The following PHYHIPL variants were observed in gnomAD, a reference collection of about 807,000 sequenced individuals.
The protein encoded by PHYHIPL is phytanoyl-CoA 2-hydroxylase interacting protein like.
A neutral mutation model predicts 33.4 loss-of-function variants in PHYHIPL; 9 were observed. The ratio of observed to expected loss-of-function variants is 0.27; its 90% CI spans 0.16 to 0.47. The LOEUF (loss-of-function observed/expected upper bound fraction) is 0.47, where lower values mean the gene tolerates loss of function less well. Ranked by LOEUF, PHYHIPL falls within the 20% of genes least tolerant of loss-of-function variation. PHYHIPL has a pLI of 0.99. For synonymous variants in PHYHIPL, 153 were observed against 154.1 expected, an observed-to-expected ratio of 0.99 and a Z score of 0.05; for missense variants, 365 against 460.7, an observed-to-expected ratio of 0.79 and a Z score of 1.90.
intron 1 of PHYHIPL, among the ~76,000 whole-genome samples, chr10:59,224,497 A>AAACAAAAAAC (rs370140471): frequency 9.9e-5 from 7 of 70,408 alleles, no homozygotes; most frequent in African/African-American, 2.5e-4. Context: ...AAACAAAACA[A>AAACAAAAAAC]AAAACAAAAC....
intron 1 of PHYHIPL, among the ~76,000 whole-genome samples, chr10:59,220,551 G>A (rs1337587628): frequency 2.6e-5 from 4 of 152,014 alleles, no homozygotes; most frequent in Non-Finnish European, 5.9e-5. Flanking sequence ...TAAGAAAATT[G>A]CACTTGAGAA....
chr10:59,180,359 T>TATATATATAC (rs1564698961), intron 1 of PHYHIPL, among the ~76,000 whole-genome samples: 25 of 112,554 alleles, frequency 2.2e-4, no homozygotes, highest in African/African-American at 7.3e-4. Context: ...TATATATATA[T>TATATATATAC]ATACTTTTTC....
intron 1 of PHYHIPL, among the ~76,000 whole-genome samples, chr10:59,193,033 T>C (rs1438054063): frequency 1.3e-5 from 2 of 152,150 alleles, no homozygotes; most frequent in East Asian, 3.8e-4. Context: ...TTTCTCTTGT[T>C]ATATTTCTTC....
intron 1 of PHYHIPL, among the ~76,000 whole-genome samples, chr10:59,200,714 AT>A (rs1464936938): frequency 6.6e-6 from 1 of 151,970 alleles, no homozygotes; most frequent in Non-Finnish European, 1.5e-5. Flanking sequence ...GTAAGCTATT[AT>A]TTACTGCCTC....
intron 4 of PHYHIPL, among the ~76,000 whole-genome samples, chr10:59,244,299 G>T (rs1840543368): frequency 6.6e-6 from 1 of 152,086 alleles, no homozygotes; most frequent in South Asian, 2.1e-4. Flanking sequence ...GAGCGTGGTG[G>T]CTCATGCCTG....
chr10:59,207,893 A>G (rs1381288990), intron 1 of PHYHIPL, among the ~76,000 whole-genome samples: 2 of 150,574 alleles, frequency 1.3e-5, no homozygotes, highest in Non-Finnish European at 3.0e-5. Context: ...TCTGTCTCAA[A>G]AAAAAAAAAA....
At chr10:59,236,787 C>A in intron 3 of PHYHIPL, 130 bp downstream of exon 3, 1 of 692,952 alleles carries the variant, frequency 1.4e-6, no homozygotes, top group South Asian at 3.1e-5. Context: ...TTGTCAGTAG[C>A]ATTGTGTAAC....
intron 1 of PHYHIPL, among the ~76,000 whole-genome samples, chr10:59,186,573 C>T (rs530043886): frequency 4.7e-4 from 72 of 151,828 alleles, no homozygotes; most frequent in Admixed American, 2.4e-3. Context: ...GCCATTTTCA[C>T]GATATTGATT....
At chr10:59,217,893 G>A (rs569860942) in intron 1 of PHYHIPL, among the ~76,000 whole-genome samples, 1 of 152,118 alleles carries the variant, frequency 6.6e-6, no homozygotes, top group South Asian at 2.1e-4. Context: ...TTCATATCCA[G>A]GGATTCAGGT....
chr10:59,219,694 A>G (rs531159894), intron 1 of PHYHIPL, among the ~76,000 whole-genome samples: 140 of 152,260 alleles, frequency 9.2e-4, no homozygotes, highest in African/African-American at 3.3e-3. Context: ...AAAAATTTTC[A>G]AGATTACTCA....
chr10:59,211,445 C>G (rs576756593), intron 1 of PHYHIPL, among the ~76,000 whole-genome samples: 2 of 152,024 alleles, frequency 1.3e-5, no homozygotes, highest in South Asian at 4.2e-4. Context: ...GGCATGATCT[C>G]GGCTCACTGC....
chr10:59,245,174 T>C lies in PHYHIPL; in HGVS notation c.714T>C (p.Thr238=). Reference sequence around the variant, plus strand: ...TCAGCTGCAGCACTGAATTCAATACTGGAAAGCCACCCCAGGATTCACCTT... The same window carrying C: ...TCAGCTGCAGCACTGAATTCAATACCGGAAAGCCACCCCAGGATTCACCTT... The part of the protein sequence containing the change: ...IFFSCSTEFN[T]GKPPQDSPYG... Residue 238 remains threonine, a synonymous_variant, in exon 5 of 5, where the codon ACT becomes ACC. Coordinates refer to ENST00000373880, the MANE Select transcript of PHYHIPL (RefSeq NM_032439.4). 1 of 1,614,128 alleles carries C rather than the reference T, an allele frequency of 6.2e-7. No homozygotes were observed. Among genetic ancestry groups the C allele is most frequent in the Non-Finnish European group, 8.5e-7 (1 of 1,180,020 alleles).
At chr10:59,207,564 GA>G (rs1839321561) in intron 1 of PHYHIPL, among the ~76,000 whole-genome samples, 1 of 152,152 alleles carries the variant, frequency 6.6e-6, no homozygotes, top group Admixed American at 6.5e-5. Flanking sequence ...TACCTCTCTA[GA>G]TTCCTCCTCT....
Position 59,247,430 on chromosome 10 carries a change from T to TC in PHYHIPL, c.*1845dup. The TC allele has an allele frequency of 1.5e-6, 1 of 660,854 alleles. No individual in the cohort carries two copies. The allele number at this position is 660,854 out of a possible 1,614,324, so 40.9% of individuals were successfully genotyped here. On this transcript the variant is annotated 3_prime_UTR_variant, in exon 5 of 5. Transcript: ENST00000373880. ...ATTATATGGCTACCTGTTGTATTCT[T>TC]CCCCCCGTTTAAATCCCTTCTCCTT...
intron 1 of PHYHIPL, 27 bp downstream of exon 1, chr10:59,176,986 A>G: frequency 2.5e-6 from 4 of 1,601,850 alleles, no homozygotes; most frequent in Non-Finnish European, 2.6e-6. Flanking sequence ...CCGCGAGGAA[A>G]GGGACAGAGT....
intron 4 of PHYHIPL, among the ~76,000 whole-genome samples, chr10:59,242,916 A>G (rs889942264): frequency 1.3e-5 from 2 of 152,198 alleles, no homozygotes; most frequent in Non-Finnish European, 2.9e-5. Context: ...ATGTGAGACT[A>G]TAGCAGATCT....
chr10:59,199,970 G>T (rs1208072070), intron 1 of PHYHIPL, among the ~76,000 whole-genome samples: 1 of 152,152 alleles, frequency 6.6e-6, no homozygotes, highest in African/African-American at 2.4e-5. Context: ...AGACGATGGG[G>T]TTTTCTAGAT....
upstream of PHYHIPL, among the ~76,000 whole-genome samples, chr10:59,174,334 C>T (rs1039685843): frequency 2.6e-5 from 4 of 152,140 alleles, no homozygotes; most frequent in Non-Finnish European, 4.4e-5. Context: ...ATATCAATCT[C>T]TGACTAAATC....
chr10:59,211,664 TAAAAAAAAAAAAA>T (rs58992023), intron 1 of PHYHIPL, among the ~76,000 whole-genome samples: 5 of 74,100 alleles, frequency 6.7e-5, no homozygotes, highest in Non-Finnish European at 1.3e-4. Context: ...GCGGACTCTC[TAAAAAAAAAAAAA>T]AAAAAAAAAA....
Sources: gnomAD v4.1 joint callset for allele counts (sites outside exome capture counted in the v4.1 genomes callset) on GRCh38, gnomAD v4.1.1 for gene constraint, MANE v1.5 for transcripts, NCBI Gene and HGNC (gene_info 2026-07-23, HGNC 2026-07-21) for gene names.